AAAS: variants seen among roughly 807,000 people sequenced by gnomAD.
The protein encoded by AAAS is aladin WD repeat nucleoporin.
AAAS carries 60 observed loss-of-function variants against 75.6 expected under a neutral mutation model. That is an observed-to-expected ratio of 0.79 (90% CI 0.64 to 0.98). AAAS has a LOEUF of 0.98. Ranked by LOEUF, AAAS falls within the 50% of genes least tolerant of loss-of-function variation. The pLI is 0.00. For synonymous variants in AAAS, 271 were observed against 265.0 expected, an observed-to-expected ratio of 1.02 and a Z score of -0.22; for missense variants, 658 against 686.9, an observed-to-expected ratio of 0.96 and a Z score of 0.47.
chr12:53,315,719 A>G lies in AAAS; in HGVS notation c.307+8T>C. On this transcript the variant is annotated splice_region_variant and intron_variant, in intron 3 of 15. Coordinates refer to ENST00000209873, the MANE Select transcript of AAAS (RefSeq NM_015665.6). Reference sequence around the variant, plus strand: ...AAACTAGGGAAGGCTGGAGGGAAAAATACTTACCCTCTTCTTCTGAGTTTG... The same window carrying G: ...AAACTAGGGAAGGCTGGAGGGAAAAGTACTTACCCTCTTCTTCTGAGTTTG... 1.2e-6 allele frequency: 2 copies of G among 1,613,502 alleles called. No homozygotes were observed. Among genetic ancestry groups the G allele is most frequent in the Non-Finnish European group, 8.5e-7 (1 of 1,179,746 alleles).
chr12:53,308,100 A>G lies in AAAS; in HGVS notation c.1283T>C (p.Ile428Thr), dbSNP rs998513589. 6.2e-7 allele frequency: 1 copy of G among 1,614,178 alleles called. No individual in the cohort carries two copies. Among genetic ancestry groups the G allele is most frequent in the Non-Finnish European group, 8.5e-7 (1 of 1,180,030 alleles). The change falls in exon 14 of 16, where the codon ATC (isoleucine) becomes ACC (threonine). Residue 428 changes from isoleucine (I) to threonine (T), a missense_variant. Coordinates refer to ENST00000209873, the MANE Select transcript of AAAS (RefSeq NM_015665.6). ...KPRVQDGKPV[I>T]LLFRTRNSPV... ...GCTGTTTCGAGTGCGAAAAAGGAGG[A>G]TGACTGGTTTACCATCCTGTACCCT...
intron 7 of AAAS, among the ~76,000 whole-genome samples, chr12:53,310,421 G>A (rs375069976): frequency 8.5e-5 from 13 of 152,346 alleles, no homozygotes; most frequent in Admixed American, 2.0e-4. Flanking sequence ...TTAGCTGGGC[G>A]TGGTGGTGTT....
In AAAS at chr12:53,314,445, G is replaced by A. The variant is rs772208074; in HGVS notation, c.546-4C>T. The stretch of plus-strand genomic sequence containing the variant: ...CTTCAGGGAGGGGACTATGGTGCTA[G>A]GGTGAAGGGGCAGGAAACTGAGTCA... On this transcript the variant is annotated splice_polypyrimidine_tract_variant and splice_region_variant and intron_variant, in intron 6 of 15. Coordinates refer to ENST00000209873, the MANE Select transcript of AAAS (RefSeq NM_015665.6). 3.1e-6 allele frequency: 5 copies of A among 1,614,054 alleles called. No individual in the cohort carries two copies. In the South Asian group the frequency reaches 5.5e-5, roughly 18 times the overall value.
At chr12:53,319,303 C>T (rs1944515386) in intron 2 of AAAS, among the ~76,000 whole-genome samples, 1 of 151,836 alleles carries the variant, frequency 6.6e-6, no homozygotes, top group Non-Finnish European at 1.5e-5. Context: ...TCCTCCTATA[C>T]ATAAGCCTCC....
intron 1 of AAAS, 61 bp downstream of exon 1, chr12:53,321,282 C>T: frequency 6.3e-7 from 1 of 1,593,946 alleles, no homozygotes; most frequent in Admixed American, 1.7e-5. Flanking sequence ...GCCTCCTTTC[C>T]CCAGTAGTCC....
intron 7 of AAAS, among the ~76,000 whole-genome samples, chr12:53,313,008 C>T (rs1944413868): frequency 2.6e-5 from 4 of 151,524 alleles, no homozygotes. Flanking sequence ...AGGCGAGCAC[C>T]ACCACGCCCA....
rs142399878 is a variant in AAAS at position 53,307,844 on chromosome 12, C to T, written c.1416+1G>A. On this transcript the variant is annotated splice_donor_variant, in intron 15 of 15. Coordinates refer to ENST00000209873, the MANE Select transcript of AAAS (RefSeq NM_015665.6). LOFTEE classifies it high-confidence loss of function. ...AAGCCCCAGCAGCCTGGCGCACTCA[C>T]CACACTGAGCAGGGCCCCTTTGTTG... 1 of 1,614,122 alleles carries T rather than the reference C, an allele frequency of 6.2e-7. No homozygotes were observed. Among genetic ancestry groups the T allele is most frequent in the African/African-American group, 1.3e-5 (1 of 74,946 alleles).
intron 2 of AAAS, among the ~76,000 whole-genome samples, chr12:53,318,081 T>C (rs1485438453): frequency 6.6e-6 from 1 of 152,080 alleles, no homozygotes; most frequent in Non-Finnish European, 1.5e-5. Flanking sequence ...CAGGCTGGAG[T>C]GCAATATCAC....
chr12:53,320,955 C>A lies in AAAS; in HGVS notation c.124-263G>T, dbSNP rs1440835215. The A allele has an allele frequency of 5.5e-6, 3 of 547,818 alleles. No individual in the cohort carries two copies. In the African/African-American group the frequency reaches 5.7e-5, roughly 10 times the overall value. 33.9% of individuals were successfully genotyped at this position (547,818 alleles called of 1,614,324 possible). On this transcript the variant is annotated intron_variant, in intron 1 of 15. Transcript: ENST00000209873. The stretch of plus-strand genomic sequence containing the variant: ...AACACCTGACTCAGCCTCTTTCTTA[C>A]ATAGCAAACGCTCAATAAATGTCAG...
rs766470252 is a variant in AAAS, at chr12:53,315,310, G to C, written c.399+25C>G. On this transcript the variant is annotated intron_variant, in intron 4 of 15. Coordinates refer to ENST00000209873, the MANE Select transcript of AAAS (RefSeq NM_015665.6). Reference sequence around the variant, plus strand: ...AGGATGGGGACACAGCAAATGCAGAGGGCTGGGGAGGAAGCCAAACTTACA... The same window carrying C: ...AGGATGGGGACACAGCAAATGCAGACGGCTGGGGAGGAAGCCAAACTTACA... The C allele has an allele frequency of 6.2e-6, 10 of 1,612,244 alleles. No homozygotes were observed. The South Asian group carries it at 8.8e-5, about 14-fold the overall frequency.
chr12:53,318,239 TGTGTGC>T (rs1464959885), intron 2 of AAAS, among the ~76,000 whole-genome samples: 6 of 130,586 alleles, frequency 4.6e-5, no homozygotes, highest in South Asian at 2.8e-4. Flanking sequence ...TGTGTGTGTG[TGTGTGC>T]GTGTGTGTGT....
chr12:53,314,380 G>A lies in AAAS; in HGVS notation c.607C>T (p.Pro203Ser), dbSNP rs140046968. 3.7e-6 allele frequency: 6 copies of A among 1,614,064 alleles called. No individual in the cohort carries two copies. Among genetic ancestry groups the A allele is most frequent in the Non-Finnish European group, 5.1e-6 (6 of 1,180,036 alleles). Residue 203 changes from proline to serine, a missense_variant, in exon 7 of 16, where the codon CCC becomes TCC. Transcript: ENST00000209873. ...ACAGCCAAGACAGAGGCACTAAGGG[G>A]CTTCCAGGCCAGAGACGCCACATTT... Reference protein sequence around the residue: ...QRNVASLAWKPLSASVLAVAC... With the variant: ...QRNVASLAWKSLSASVLAVAC...
chr12:53,316,680 G>A (rs1455043226), intron 2 of AAAS, among the ~76,000 whole-genome samples: 1 of 140,222 alleles, frequency 7.1e-6, no homozygotes, highest in African/African-American at 2.7e-5. Flanking sequence ...AGAATCGCCT[G>A]AACCCGGGAG....
chr12:53,314,786 C>T lies in AAAS; in HGVS notation c.510G>A (p.Leu170=). The T allele has an allele frequency of 6.2e-7, 1 of 1,613,890 alleles. No homozygotes were observed. The highest frequency in any genetic ancestry group is 8.5e-7 in the Non-Finnish European group (1 of 1,179,922). The change falls in exon 6 of 16, where the codon CTG becomes CTA. Residue 170 remains leucine (L), a synonymous_variant. Transcript: ENST00000209873. Reference sequence around the variant, plus strand: ...TATACACACGGACTGAGTCATCTAGCAGGGCCACTGCAAACTTGTTGGTGT... The same window carrying T: ...TATACACACGGACTGAGTCATCTAGTAGGGCCACTGCAAACTTGTTGGTGT... The part of the protein sequence containing the change: ...HPHTNKFAVA[L]LDDSVRVYNA...
chr12:53,316,764 C>CAA (rs34520642), intron 2 of AAAS, among the ~76,000 whole-genome samples: 1,059 of 77,044 alleles, frequency 0.014, 22 homozygotes, highest in African/African-American at 0.037. Flanking sequence ...CCATCTCAGA[C>CAA]AAAAAAAAAA....
chr12:53,309,463 T>C (rs1944352005), intron 8 of AAAS, 138 bp downstream of exon 8: 1 of 1,542,010 alleles, frequency 6.5e-7, no homozygotes, highest in Admixed American at 1.9e-5. Flanking sequence ...ACGAGTCTGA[T>C]GGCAAAGCTC....
chr12:53,316,941 G>A (rs1944472116), intron 2 of AAAS, among the ~76,000 whole-genome samples: 1 of 151,838 alleles, frequency 6.6e-6, no homozygotes, highest in African/African-American at 2.4e-5. Flanking sequence ...AACTTAGGCA[G>A]GTGTGGTGGC....
intron 7 of AAAS, among the ~76,000 whole-genome samples, chr12:53,312,565 C>CAAA (rs34316735): frequency 2.1e-5 from 3 of 144,554 alleles, no homozygotes; most frequent in Non-Finnish European, 3.0e-5. Context: ...AACTCCTTCT[C>CAAA]AAAAAAAAAA....
chr12:53,307,816 TGG>T (rs894202271), intron 15 of AAAS, 27 bp downstream of exon 15: 2 of 1,613,640 alleles, frequency 1.2e-6, no homozygotes, highest in Non-Finnish European at 1.7e-6. Context: ...ATCCAACTCC[TGG>T]AAGCCCCAGC....
Sources: allele counts gnomAD v4.1 joint callset (sites outside exome capture counted in the v4.1 genomes callset), GRCh38; gene constraint gnomAD v4.1.1; transcripts MANE v1.5; gene names NCBI Gene and HGNC (gene_info 2026-07-23, HGNC 2026-07-21).